The following PCDH7 variants were observed in gnomAD, a reference collection of about 807,000 sequenced individuals.
PCDH7 encodes the protein protocadherin-7.
PCDH7 carries 17 observed loss-of-function variants against 58.9 expected under a neutral mutation model. That is an observed-to-expected ratio of 0.29 (90% confidence interval 0.20 to 0.43). The LOEUF is 0.43. PCDH7 is among the 20% of genes least tolerant of loss of function. The probability of loss-of-function intolerance (pLI) is 1.00; values close to 1 mark genes in which losing one functional copy is unlikely to be tolerated. For missense variants in PCDH7, 1,274 were observed against 1,441.0 expected, an observed-to-expected ratio of 0.88 and a Z score of 1.88; for synonymous variants, 664 against 616.4, an observed-to-expected ratio of 1.08 and a Z score of -1.14.
intron 1 of PCDH7, among the ~76,000 whole-genome samples, chr4:30,885,495 C>G (rs148639709): frequency 2.0e-5 from 3 of 152,200 alleles, no homozygotes; most frequent in Non-Finnish European, 4.4e-5. Context: ...TTCAAGATAA[C>G]CTTTATTTCT....
intron 1 of PCDH7, among the ~76,000 whole-genome samples, chr4:30,790,735 CAT>C (rs1395728207): frequency 6.6e-6 from 1 of 152,090 alleles, no homozygotes; most frequent in African/African-American, 2.4e-5. Flanking sequence ...GCCTGGGTAA[CAT>C]AGTGAGACCT....
intron 3 of PCDH7, among the ~76,000 whole-genome samples, chr4:30,964,926 G>A (rs1262127427): frequency 6.6e-6 from 1 of 152,162 alleles, no homozygotes; most frequent in Non-Finnish European, 1.5e-5. Flanking sequence ...GAGAAAGTAA[G>A]CAATATTCAG....
chr4:30,933,978 C>T (rs1745006188), intron 2 of PCDH7, among the ~76,000 whole-genome samples: 1 of 152,198 alleles, frequency 6.6e-6, no homozygotes, highest in African/African-American at 2.4e-5. Context: ...ACAACGTGTT[C>T]ACACGGAACC....
intron 3 of PCDH7, among the ~76,000 whole-genome samples, chr4:31,019,223 G>T (rs1043995967): frequency 3.3e-5 from 5 of 151,984 alleles, no homozygotes; most frequent in Non-Finnish European, 7.4e-5. Flanking sequence ...CACAAATTAT[G>T]ATATATTTAT....
chr4:31,104,796 T>G (rs1715339100), intron 3 of PCDH7, among the ~76,000 whole-genome samples: 1 of 152,218 alleles, frequency 6.6e-6, no homozygotes, highest in African/African-American at 2.4e-5. Flanking sequence ...GGTTAGCTGC[T>G]GCTTGAACAG....
intron 1 of PCDH7, among the ~76,000 whole-genome samples, chr4:30,806,359 CA>C (rs201448967): frequency 0.012 from 1,834 of 152,088 alleles, 38 homozygotes; most frequent in African/African-American, 0.041. Flanking sequence ...GGCTGGAGTG[CA>C]GTTGCACAAT....
At chr4:31,057,682 T>A (rs2109232725) in intron 3 of PCDH7, among the ~76,000 whole-genome samples, 1 of 152,276 alleles carries the variant, frequency 6.6e-6, no homozygotes, top group Admixed American at 6.5e-5. Flanking sequence ...TGTTTAAAAA[T>A]CTTACTTAGT....
intron 2 of PCDH7, among the ~76,000 whole-genome samples, chr4:30,936,532 G>A (rs1420318261): frequency 6.6e-6 from 1 of 151,976 alleles, no homozygotes; most frequent in Admixed American, 6.6e-5. Context: ...AAATCCCTTA[G>A]CCTTTTATTG....
chr4:30,790,633 A>C (rs1254815576), intron 1 of PCDH7, among the ~76,000 whole-genome samples: 1 of 152,228 alleles, frequency 6.6e-6, no homozygotes, highest in Non-Finnish European at 1.5e-5. Context: ...TAAATATTGT[A>C]GACAGGGCTG....
At chr4:30,865,806 G>C (rs530059405) in intron 1 of PCDH7, among the ~76,000 whole-genome samples, 1 of 152,170 alleles carries the variant, frequency 6.6e-6, no homozygotes, top group Non-Finnish European at 1.5e-5. Context: ...GAAGTAGCTG[G>C]CATACTTATA....
intron 3 of PCDH7, among the ~76,000 whole-genome samples, chr4:31,139,949 T>G (rs1720047326): frequency 6.6e-6 from 1 of 152,168 alleles, no homozygotes; most frequent in Non-Finnish European, 1.5e-5. Context: ...TGTGGCAGCT[T>G]GCATGTATAT....
At chr4:31,099,230 G>T (rs1004415043) in intron 3 of PCDH7, among the ~76,000 whole-genome samples, 4 of 152,118 alleles carry the variant, frequency 2.6e-5, no homozygotes, top group African/African-American at 9.7e-5. Flanking sequence ...GCCAGAAAGG[G>T]GGCAAAGGAA....
intron 1 of PCDH7, among the ~76,000 whole-genome samples, chr4:30,861,992 A>G (rs573044628): frequency 6.6e-6 from 1 of 152,212 alleles, no homozygotes; most frequent in South Asian, 2.1e-4. Context: ...GGGCATGTTA[A>G]GAAGTCTGGC....
At chr4:31,109,729 G>T (rs1423787729) in intron 3 of PCDH7, among the ~76,000 whole-genome samples, 2 of 152,266 alleles carry the variant, frequency 1.3e-5, no homozygotes, top group East Asian at 3.9e-4. Flanking sequence ...AAGAAGACAA[G>T]GTTTGCTTTC....
chr4:30,798,486 CTT>C (rs1725086241), intron 1 of PCDH7, among the ~76,000 whole-genome samples: 1 of 152,122 alleles, frequency 6.6e-6, no homozygotes, highest in South Asian at 2.1e-4. Flanking sequence ...ATGAGACTTA[CTT>C]CTTTAAGTTG....
chr4:30,833,127 A>G (rs1730016221), intron 1 of PCDH7, among the ~76,000 whole-genome samples: 1 of 152,186 alleles, frequency 6.6e-6, no homozygotes, highest in Non-Finnish European at 1.5e-5. Context: ...GTGTGCATGC[A>G]TGTGGGTACA....
At chr4:31,122,566 AC>A (rs1460744265) in intron 3 of PCDH7, among the ~76,000 whole-genome samples, 1 of 151,942 alleles carries the variant, frequency 6.6e-6, no homozygotes, top group African/African-American at 2.4e-5. Flanking sequence ...GAAATACTGT[AC>A]CTTTTATACT....
intron 3 of PCDH7, among the ~76,000 whole-genome samples, chr4:31,111,288 A>G (rs1716273635): frequency 6.9e-6 from 1 of 144,846 alleles, no homozygotes; most frequent in African/African-American, 2.6e-5. Flanking sequence ...CTTGAAAACT[A>G]TAGATATTTG....
At chr4:30,883,232 T>C (rs1737237407) in intron 1 of PCDH7, among the ~76,000 whole-genome samples, 1 of 152,164 alleles carries the variant, frequency 6.6e-6, no homozygotes. Flanking sequence ...GGAAAAAACC[T>C]AGGAACATAA....
Sources: gnomAD v4.1 joint callset for allele counts (sites outside exome capture counted in the v4.1 genomes callset) on GRCh38, gnomAD v4.1.1 for gene constraint, MANE v1.5 for transcripts, NCBI Gene and HGNC (gene_info 2026-07-23, HGNC 2026-07-21) for gene names.